The following FREM1 variants were observed in gnomAD, a reference collection of about 807,000 sequenced individuals.
FREM1 encodes the protein FRAS1-related extracellular matrix protein 1.
Under a neutral mutation model 210.1 loss-of-function variants are expected in FREM1, and 220 were observed. The ratio of observed to expected loss-of-function variants is 1.05; its 90% CI spans 0.94 to 1.17. The LOEUF is 1.17. Among genes scored for constraint, FREM1 ranks in the 50% most tolerant of loss-of-function variants. The probability of loss-of-function intolerance (pLI) is 0.00; values close to 1 mark genes in which losing one functional copy is unlikely to be tolerated. For synonymous variants in FREM1, 1,189 were observed against 980.2 expected, an observed-to-expected ratio of 1.21 and a Z score of -3.98; for missense variants, 3,454 against 2,675.5, an observed-to-expected ratio of 1.29 and a Z score of -6.42.
In FREM1 at chr9:14,857,720, C is replaced by T. The variant is rs190132962; in HGVS notation, c.661G>A (p.Gly221Arg). The stretch of plus-strand genomic sequence containing the variant: ...TTCTTTAATCCTGGGGTACAGCTCC[C>T]ACCTGGACACTTCAGTTTTGCTCTC... ...QLRAKLKCPGGSCTPGLKKIG... is the reference protein window; with the variant it reads ...QLRAKLKCPGRSCTPGLKKIG... Residue 221 changes from glycine to arginine, a missense_variant, in exon 5 of 37, where the codon GGG becomes AGG. Coordinates refer to ENST00000380880, the MANE Select transcript of FREM1 (RefSeq NM_001379081.2). The T allele has an allele frequency of 1.6e-5, 25 of 1,609,558 alleles. No homozygotes were observed. The highest frequency in any genetic ancestry group is 2.0e-5 in the Non-Finnish European group (23 of 1,177,712).
intron 1 of FREM1, among the ~76,000 whole-genome samples, chr9:14,875,948 C>G (rs535344437): frequency 1.3e-5 from 2 of 152,160 alleles, no homozygotes; most frequent in African/African-American, 2.4e-5. Flanking sequence ...CACTCTAGAC[C>G]CTGTTTGCCT....
At chr9:14,868,501 T>A (rs993566398) in intron 2 of FREM1, among the ~76,000 whole-genome samples, 1 of 152,230 alleles carries the variant, frequency 6.6e-6, no homozygotes, top group Admixed American at 6.5e-5. Context: ...TCCTGCTGGT[T>A]TCAGGCTTGT....
intron 10 of FREM1, among the ~76,000 whole-genome samples, chr9:14,840,612 C>A (rs1825510399): frequency 6.6e-6 from 1 of 152,234 alleles, no homozygotes; most frequent in Non-Finnish European, 1.5e-5. Context: ...TCAATTACCT[C>A]CCACCAGGTT....
At position 14,770,826 on chromosome 9, in the gene FREM1, A is replaced by T; in HGVS notation, c.4858-20T>A. The T allele has an allele frequency of 1.3e-6, 2 of 1,589,644 alleles. No homozygotes were observed. The highest frequency in any genetic ancestry group is 1.7e-6 in the Non-Finnish European group (2 of 1,162,752). On this transcript the variant is annotated intron_variant, in intron 25 of 36. Coordinates refer to ENST00000380880, the MANE Select transcript of FREM1 (RefSeq NM_001379081.2). Reference sequence around the variant, plus strand: ...GTCTACCTGGATCATCAACAATGACATAAAATGTTGTCCAAAGGCCCCTCA... The same window carrying T: ...GTCTACCTGGATCATCAACAATGACTTAAAATGTTGTCCAAAGGCCCCTCA...
chr9:14,872,342 A>C (rs1027813598), intron 1 of FREM1, among the ~76,000 whole-genome samples: 5 of 151,874 alleles, frequency 3.3e-5, no homozygotes, highest in Admixed American at 6.6e-5. Flanking sequence ...CTTTTATTTC[A>C]TTGAGCAGTG....
In FREM1 at chr9:14,789,107, C is replaced by T; in HGVS notation, c.3989G>A (p.Arg1330Lys). ...GCCAGGGGAGAGAGGAACCCAGTCC[C>T]TCCCTATCTGGAAGGAGCCAGAGTT... ...QNGQLQLKIG[R>K]DWVPLSPGMK... The change falls in exon 23 of 37, where the codon AGG becomes AAG. Residue 1330 changes from arginine to lysine, a missense_variant. Coordinates refer to ENST00000380880, the MANE Select transcript of FREM1 (RefSeq NM_001379081.2). The T allele has an allele frequency of 6.3e-7, 1 of 1,584,616 alleles. No individual in the cohort carries two copies. The highest frequency in any genetic ancestry group is 8.6e-7 in the Non-Finnish European group (1 of 1,164,134).
At chr9:14,781,655 G>A in intron 24 of FREM1, among the ~76,000 whole-genome samples, 1 of 152,008 alleles carries the variant, frequency 6.6e-6, no homozygotes, top group East Asian at 1.9e-4. Context: ...CAGTACATTG[G>A]GCTGAAGGCC....
intron 8 of FREM1, among the ~76,000 whole-genome samples, chr9:14,844,520 C>T (rs898022520): frequency 3.3e-5 from 5 of 152,242 alleles, no homozygotes; most frequent in African/African-American, 1.2e-4. Flanking sequence ...CCACTGTGCC[C>T]GGCCAGAGAC....
At chr9:14,801,520 A>C (rs1588068065) in intron 20 of FREM1, 132 bp downstream of exon 20, 1 of 659,878 alleles carries the variant, frequency 1.5e-6, no homozygotes, top group African/African-American at 1.8e-5. Flanking sequence ...CAATCCTCCC[A>C]CCCTCAGCCT....
chr9:14,779,221 T>C (rs73644852), intron 24 of FREM1, among the ~76,000 whole-genome samples: 11 of 152,200 alleles, frequency 7.2e-5, no homozygotes, highest in Non-Finnish European at 1.3e-4. Flanking sequence ...CTGTTTCACA[T>C]TAAACTGGCT....
At chr9:14,900,665 A>T (rs986018301) in intron 1 of FREM1, among the ~76,000 whole-genome samples, 2 of 152,214 alleles carry the variant, frequency 1.3e-5, no homozygotes, top group Non-Finnish European at 2.9e-5. Flanking sequence ...AGGACGCTCC[A>T]AGGGAGGCAT....
intron 2 of FREM1, among the ~76,000 whole-genome samples, chr9:14,865,701 A>ATGTG: frequency 9.2e-6 from 1 of 108,768 alleles, no homozygotes; most frequent in Non-Finnish European, 1.8e-5. Flanking sequence ...GTGTGTGTGC[A>ATGTG]CATGCACTTA....
intron 1 of FREM1, among the ~76,000 whole-genome samples, chr9:14,879,831 G>A (rs1465650660): frequency 6.6e-6 from 1 of 152,128 alleles, no homozygotes; most frequent in Non-Finnish European, 1.5e-5. Flanking sequence ...AAATGGGCAT[G>A]GAGAAAAATA....
intron 32 of FREM1, 33 bp downstream of exon 32, chr9:14,747,648 T>C: frequency 7.7e-7 from 1 of 1,292,480 alleles, no homozygotes; most frequent in Non-Finnish European, 1.1e-6. Flanking sequence ...TCCATAAATA[T>C]AAGAAATTTA....
intron 10 of FREM1, among the ~76,000 whole-genome samples, chr9:14,831,844 C>G (rs981591443): frequency 6.6e-6 from 1 of 152,164 alleles, no homozygotes; most frequent in Non-Finnish European, 1.5e-5. Flanking sequence ...GTTCCTCTGG[C>G]GCCATGGCTC....
chr9:14,771,611 C>T (rs1018312964), intron 25 of FREM1, among the ~76,000 whole-genome samples: 1 of 152,116 alleles, frequency 6.6e-6, no homozygotes, highest in Non-Finnish European at 1.5e-5. Flanking sequence ...TAGAACAGAT[C>T]CACCACTGAT....
chr9:14,819,841 T>C (rs1371755816), intron 13 of FREM1, among the ~76,000 whole-genome samples: 1 of 152,194 alleles, frequency 6.6e-6, no homozygotes, highest in Non-Finnish European at 1.5e-5. Flanking sequence ...AAAATCTATG[T>C]CAAATTCCCC....
intron 24 of FREM1, among the ~76,000 whole-genome samples, chr9:14,779,843 G>C (rs929557174): frequency 3.3e-5 from 5 of 152,130 alleles, no homozygotes; most frequent in Non-Finnish European, 7.3e-5. Flanking sequence ...AATAGGCCAG[G>C]GGTGAAAATG....
intron 29 of FREM1, among the ~76,000 whole-genome samples, chr9:14,755,263 G>A (rs987562633): frequency 6.6e-6 from 1 of 152,202 alleles, no homozygotes; most frequent in Non-Finnish European, 1.5e-5. Context: ...GAACTGCAGA[G>A]AGCCATTTCT....
Sources: gnomAD v4.1 joint callset for allele counts (sites outside exome capture counted in the v4.1 genomes callset) on GRCh38, gnomAD v4.1.1 for gene constraint, MANE v1.5 for transcripts, NCBI Gene and HGNC (gene_info 2026-07-23, HGNC 2026-07-21) for gene names.